Variants in TXNDC16 observed in about 807,000 individuals in gnomAD.
The protein encoded by TXNDC16 is thioredoxin domain-containing protein 16.
A neutral mutation model predicts 85.6 loss-of-function variants in TXNDC16; 74 were observed. That is an observed-to-expected ratio of 0.86 (90% CI 0.72 to 1.05). The LOEUF is 1.05. TXNDC16 is among the 50% of genes least tolerant of loss of function. TXNDC16 has a pLI of 0.00. For synonymous variants in TXNDC16, 335 were observed against 326.5 expected (o/e 1.03, Z -0.28); for missense variants, 959 against 947.0 (o/e 1.01, Z -0.17).
chr14:52,529,545 T>A (rs1213580134), intron 6 of TXNDC16, among the ~76,000 whole-genome samples: 1 of 97,644 alleles, frequency 1.0e-5, no homozygotes, highest in Non-Finnish European at 2.0e-5. Context: ...ATGCCTATTA[T>A]ATATAATATA....
chr14:52,541,619 A>G (rs1190182875), intron 4 of TXNDC16, among the ~76,000 whole-genome samples: 2 of 152,236 alleles, frequency 1.3e-5, no homozygotes, highest in Non-Finnish European at 2.9e-5. Context: ...TGCAGAGACC[A>G]AGAGCGACCA....
chr14:52,530,156 A>AATATATTATT (rs1566581604), intron 6 of TXNDC16, among the ~76,000 whole-genome samples: 1 of 43,938 alleles, frequency 2.3e-5, no homozygotes, highest in Non-Finnish European at 3.4e-5. Flanking sequence ...TTTATATATA[A>AATATATTATT]TTTATATATA....
rs1266357603 is a variant in TXNDC16 at position 52,470,516 on chromosome 14, G to A, written c.1477C>T (p.Gln493Ter). The change falls in exon 15 of 21, where the codon CAG becomes TAG. Residue 493 changes from glutamine (Q) to a stop codon, truncating the protein, a stop_gained. Coordinates refer to ENST00000281741, the MANE Select transcript of TXNDC16 (RefSeq NM_020784.3). LOFTEE classifies it high-confidence loss of function. Reference protein sequence around the residue: ...LGTEDLLKFIQLNRISYPVNI... With the variant: ...LGTEDLLKFI ...ATAATGAAGCTGAATACTTACAGCT[G>A]GATAAATTTTAGGAGATCTTCGGTT... The A allele has an allele frequency of 6.2e-7, 1 of 1,611,642 alleles. No individual in the cohort carries two copies. The highest frequency in any genetic ancestry group is 1.7e-5 in the Admixed American group (1 of 59,710).
In TXNDC16 at chr14:52,439,362, C is replaced by G; in HGVS notation, c.2036G>C (p.Arg679Thr). Residue 679 changes from arginine to threonine, a missense_variant, in exon 20 of 21, where the codon AGG (arginine) becomes ACG (threonine). Arg to Thr is a moderately conservative substitution (Grantham distance 71). Coordinates refer to ENST00000281741, the MANE Select transcript of TXNDC16 (RefSeq NM_020784.3). ...KNTPVGRGIL[R>T]AYFDPLPPLP... ...GGGAGGCAGAGGATCAAAATATGCC[C>G]TCAAGATTCCTCTCCCCACTGGAGT... 1.2e-6 allele frequency: 2 copies of G among 1,613,762 alleles called. No homozygotes were observed. The highest frequency in any genetic ancestry group is 2.7e-5 in the African/African-American group (2 of 75,002).
At chr14:52,517,200 G>A (rs969270908) in intron 7 of TXNDC16, among the ~76,000 whole-genome samples, 2 of 151,890 alleles carry the variant, frequency 1.3e-5, no homozygotes, top group African/African-American at 4.8e-5. Flanking sequence ...TAAATTCCCT[G>A]GTCAATCTTT....
intron 18 of TXNDC16, among the ~76,000 whole-genome samples, chr14:52,440,997 C>T (rs1261592544): frequency 1.3e-5 from 2 of 152,104 alleles, no homozygotes; most frequent in African/African-American, 4.8e-5. Flanking sequence ...CAAGATGTAA[C>T]ACTTCTAATA....
intron 18 of TXNDC16, among the ~76,000 whole-genome samples, chr14:52,450,725 T>C (rs1266845790): frequency 3.4e-4 from 51 of 151,882 alleles, no homozygotes; most frequent in Non-Finnish European, 2.9e-5. Flanking sequence ...ACTAAAAGTG[T>C]ATCTACCATT....
chr14:52,539,885 A>G (rs1162082219), intron 4 of TXNDC16, among the ~76,000 whole-genome samples: 5 of 151,652 alleles, frequency 3.3e-5, no homozygotes. Context: ...TTTTGGATGC[A>G]TTTCTAAATA....
At chr14:52,537,295 G>A (rs564370381) in intron 5 of TXNDC16, among the ~76,000 whole-genome samples, 7 of 152,060 alleles carry the variant, frequency 4.6e-5, no homozygotes, top group Admixed American at 1.3e-4. Context: ...CCCAAATGTG[G>A]ACCTGACATA....
intron 9 of TXNDC16, among the ~76,000 whole-genome samples, chr14:52,510,519 T>C (rs1052520607): frequency 6.6e-6 from 1 of 152,170 alleles, no homozygotes; most frequent in Non-Finnish European, 1.5e-5. Context: ...CACATCCATA[T>C]GAGTGCAAAG....
intron 19 of TXNDC16, 128 bp downstream of exon 19, chr14:52,440,436 T>C: frequency 1.5e-6 from 1 of 652,596 alleles, no homozygotes; most frequent in Non-Finnish European, 2.2e-6. Context: ...GTTACTAAAA[T>C]ATCATGGTGA....
chr14:52,488,911 A>C (rs2036339875), intron 11 of TXNDC16, among the ~76,000 whole-genome samples: 1 of 151,768 alleles, frequency 6.6e-6, no homozygotes, highest in Non-Finnish European at 1.5e-5. Context: ...TCTAAAATTT[A>C]GCAAAATGAA....
intron 5 of TXNDC16, 135 bp downstream of exon 5, chr14:52,537,464 A>C (rs1387563282): frequency 3.0e-6 from 2 of 662,180 alleles, no homozygotes; most frequent in Non-Finnish European, 2.6e-6. Context: ...CAAATCTATT[A>C]CTTGGACTTT....
chr14:52,526,728 T>C (rs1268202089), intron 6 of TXNDC16, among the ~76,000 whole-genome samples: 1 of 152,248 alleles, frequency 6.6e-6, no homozygotes, highest in Non-Finnish European at 1.5e-5. Flanking sequence ...GACTGATGGC[T>C]GGCAGACAGC....
chr14:52,460,310 T>C (rs1027514284), intron 16 of TXNDC16, among the ~76,000 whole-genome samples: 2 of 152,048 alleles, frequency 1.3e-5, no homozygotes, highest in African/African-American at 4.8e-5. Flanking sequence ...CCCAAGCTCA[T>C]GAATGGGAAA....
intron 16 of TXNDC16, among the ~76,000 whole-genome samples, chr14:52,460,324 C>G (rs1454556364): frequency 6.6e-6 from 1 of 152,100 alleles, no homozygotes; most frequent in Non-Finnish European, 1.5e-5. Context: ...TGGGAAAAAA[C>G]AATATCATTA....
intron 6 of TXNDC16, among the ~76,000 whole-genome samples, chr14:52,530,654 A>C: frequency 8.2e-6 from 1 of 121,678 alleles, no homozygotes; most frequent in Non-Finnish European, 1.6e-5. Context: ...ATACCTAGGT[A>C]TATATATGTG....
intron 11 of TXNDC16, among the ~76,000 whole-genome samples, chr14:52,489,549 T>C (rs1320026189): frequency 6.6e-6 from 1 of 152,194 alleles, no homozygotes; most frequent in Admixed American, 6.5e-5. Flanking sequence ...ACTTAAAAAG[T>C]AGAGGAATCA....
chr14:52,506,546 T>C (rs1243334995), intron 9 of TXNDC16, among the ~76,000 whole-genome samples: 1 of 117,866 alleles, frequency 8.5e-6, no homozygotes, highest in Non-Finnish European at 1.7e-5. Context: ...TTTTTTTTTT[T>C]TTTTTCTTTT....
Sources: gnomAD v4.1 joint callset for allele counts (sites outside exome capture counted in the v4.1 genomes callset) on GRCh38, gnomAD v4.1.1 for gene constraint, MANE v1.5 for transcripts, NCBI Gene and HGNC (gene_info 2026-07-23, HGNC 2026-07-21) for gene names.